Variants in MDFIC2 observed in about 807,000 individuals in gnomAD.
The protein encoded by MDFIC2 is MyoD family inhibitor domain containing 2, also known as myoD family inhibitor domain-containing protein 2.
chr3:70,210,869 TAGAC>T (rs1701336662), intron 2 of MDFIC2, among the ~76,000 whole-genome samples: 1 of 152,112 alleles, frequency 6.6e-6, no homozygotes, highest in South Asian at 2.1e-4. Context: ...AGAGAAAAGA[TAGAC>T]AGCTAGTTAA....
intron 2 of MDFIC2, among the ~76,000 whole-genome samples, chr3:70,231,887 G>T (rs2106745183): frequency 6.6e-6 from 1 of 152,302 alleles, no homozygotes; most frequent in African/African-American, 2.4e-5. Flanking sequence ...GTGTGTGTGT[G>T]CATGTGTGTC....
At chr3:70,239,444 C>A (rs1240948352) in intron 2 of MDFIC2, among the ~76,000 whole-genome samples, 1 of 152,136 alleles carries the variant, frequency 6.6e-6, no homozygotes, top group Non-Finnish European at 1.5e-5. Flanking sequence ...CCAAAGAGAA[C>A]ATTTCCAACT....
At chr3:70,200,727 A>C (rs1419952269) in intron 3 of MDFIC2, among the ~76,000 whole-genome samples, 1 of 152,198 alleles carries the variant, frequency 6.6e-6, no homozygotes, top group Non-Finnish European at 1.5e-5. Context: ...TCTCTGGTTG[A>C]CTGACTAAAT....
At chr3:70,249,241 CG>C (rs1343861221) in intron 2 of MDFIC2, 1 of 152,068 alleles carries the variant, frequency 6.6e-6, no homozygotes, top group African/African-American at 2.4e-5. Context: ...ATTTACTAAC[CG>C]GTTTGAAGGG....
At chr3:70,304,078 C>T (rs1255393953) in intron 2 of MDFIC2, among the ~76,000 whole-genome samples, 1 of 152,080 alleles carries the variant, frequency 6.6e-6, no homozygotes, top group Non-Finnish European at 1.5e-5. Flanking sequence ...GAGTTTATTG[C>T]AATCCCAAAT....
chr3:70,200,672 C>CCTATTAGAA (rs1250106675), intron 3 of MDFIC2, among the ~76,000 whole-genome samples: 2 of 152,188 alleles, frequency 1.3e-5, no homozygotes, highest in Non-Finnish European at 2.9e-5. Flanking sequence ...GTTACCTCCT[C>CCTATTAGAA]CTATTAGAAT....
At chr3:70,207,385 G>A (rs964669746) in intron 2 of MDFIC2, among the ~76,000 whole-genome samples, 1 of 151,976 alleles carries the variant, frequency 6.6e-6, no homozygotes, top group Admixed American at 6.6e-5. Context: ...ATGGCTTTGG[G>A]GATATGCTTC....
chr3:70,290,517 G>C (rs1334976586), intron 2 of MDFIC2, among the ~76,000 whole-genome samples: 1 of 152,226 alleles, frequency 6.6e-6, no homozygotes, highest in Admixed American at 6.5e-5. Context: ...CTTTTTGTTT[G>C]TCTGTGCCCT....
At chr3:70,287,897 T>G (rs369357146) in intron 2 of MDFIC2, among the ~76,000 whole-genome samples, 1 of 150,424 alleles carries the variant, frequency 6.6e-6, no homozygotes, top group Admixed American at 6.6e-5. Context: ...GTGGGATCAG[T>G]GGTGACATCC....
chr3:70,247,447 A>T (rs1193418004), intron 2 of MDFIC2, among the ~76,000 whole-genome samples: 2 of 151,862 alleles, frequency 1.3e-5, no homozygotes, highest in East Asian at 1.9e-4. Context: ...TGAGCACTTC[A>T]TATGTATTCT....
intron 3 of MDFIC2, among the ~76,000 whole-genome samples, chr3:70,202,185 T>C (rs1017366035): frequency 6.6e-6 from 1 of 152,106 alleles, no homozygotes; most frequent in Admixed American, 6.5e-5. Flanking sequence ...TAGTGACTAG[T>C]AGTCTATTTG....
At chr3:70,288,252 T>C (rs1339584299) in intron 2 of MDFIC2, among the ~76,000 whole-genome samples, 2 of 129,998 alleles carry the variant, frequency 1.5e-5, no homozygotes, top group Non-Finnish European at 3.2e-5. Flanking sequence ...GATTCTGGTA[T>C]GTTGTGTCTT....
At chr3:70,211,142 C>T (rs1179246400) in intron 2 of MDFIC2, among the ~76,000 whole-genome samples, 1 of 152,034 alleles carries the variant, frequency 6.6e-6, no homozygotes, top group Non-Finnish European at 1.5e-5. Context: ...TGATTCTATT[C>T]TTGTTTCTTC....
At chr3:70,281,694 C>T (rs1382757357) in intron 2 of MDFIC2, among the ~76,000 whole-genome samples, 4 of 152,134 alleles carry the variant, frequency 2.6e-5, no homozygotes, top group African/African-American at 9.7e-5. Context: ...ACCATCATTG[C>T]TTTTTGCCCC....
chr3:70,224,521 G>T (rs958743739), intron 2 of MDFIC2, among the ~76,000 whole-genome samples: 1 of 152,162 alleles, frequency 6.6e-6, no homozygotes, highest in African/African-American at 2.4e-5. Context: ...AGATAGGAAA[G>T]CACCCTGCAG....
intron 2 of MDFIC2, among the ~76,000 whole-genome samples, chr3:70,307,937 C>G (rs1284116460): frequency 6.6e-6 from 1 of 152,208 alleles, no homozygotes; most frequent in Non-Finnish European, 1.5e-5. Flanking sequence ...GCCTTTGCTC[C>G]CTGCATCACC....
intron 2 of MDFIC2, among the ~76,000 whole-genome samples, chr3:70,282,007 A>G (rs1184117608): frequency 2.0e-5 from 3 of 152,272 alleles, no homozygotes; most frequent in Admixed American, 6.5e-5. Flanking sequence ...CAGACACATT[A>G]CCAGAACACC....
intron 2 of MDFIC2, among the ~76,000 whole-genome samples, chr3:70,299,107 A>G (rs1042207870): frequency 6.6e-6 from 1 of 152,130 alleles, no homozygotes; most frequent in Non-Finnish European, 1.5e-5. Flanking sequence ...GAGATTTAAA[A>G]GCAGAAAATG....
intron 2 of MDFIC2, among the ~76,000 whole-genome samples, chr3:70,264,533 G>A (rs1010380653): frequency 2.6e-5 from 4 of 152,180 alleles, no homozygotes; most frequent in Non-Finnish European, 5.9e-5. Flanking sequence ...GAATTTATTG[G>A]TGAGCATGGA....
Sources: gnomAD v4.1 joint callset for allele counts (sites outside exome capture counted in the v4.1 genomes callset) on GRCh38, gnomAD v4.1.1 for gene constraint, MANE v1.5 for transcripts, NCBI Gene and HGNC (gene_info 2026-07-23, HGNC 2026-07-21) for gene names.